PLEKHA5: variants seen among roughly 807,000 people sequenced by gnomAD.
PLEKHA5 encodes pleckstrin homology domain containing A5.
Under a neutral mutation model 181.9 loss-of-function variants are expected in PLEKHA5, and 55 were observed. The ratio of observed to expected loss-of-function variants is 0.30; its 90% CI spans 0.24 to 0.38. The LOEUF is 0.38. PLEKHA5 is among the 10% of genes least tolerant of loss of function. The pLI is 1.00. For missense variants in PLEKHA5, 1,432 were observed against 1,549.5 expected (o/e 0.92, Z 1.27); for synonymous variants, 535 against 529.4 (o/e 1.01, Z -0.15).
chr12:19,267,742 T>G (rs2071004510), intron 8 of PLEKHA5, among the ~76,000 whole-genome samples: 1 of 151,422 alleles, frequency 6.6e-6, no homozygotes, highest in Non-Finnish European at 1.5e-5. Context: ...GGCTGGCAGA[T>G]CACCTGAGGT....
At chr12:19,184,387 G>A (rs2049331534) in intron 3 of PLEKHA5, among the ~76,000 whole-genome samples, 1 of 152,060 alleles carries the variant, frequency 6.6e-6, no homozygotes, top group African/African-American at 2.4e-5. Flanking sequence ...CATTTGCTGG[G>A]GACTTTTTAT....
intron 20 of PLEKHA5, among the ~76,000 whole-genome samples, chr12:19,332,224 T>C (rs2153096521): frequency 6.6e-6 from 1 of 152,258 alleles, no homozygotes; most frequent in East Asian, 1.9e-4. Context: ...CAGTGAATTA[T>C]GATCATGCCA....
intron 3 of PLEKHA5, among the ~76,000 whole-genome samples, chr12:19,214,316 C>T (rs1740082791): frequency 6.6e-6 from 1 of 152,066 alleles, no homozygotes; most frequent in Non-Finnish European, 1.5e-5. Context: ...TTGACTTTGT[C>T]AGTTAAAGAG....
At chr12:19,138,534 C>T (rs1304930877) in intron 3 of PLEKHA5, among the ~76,000 whole-genome samples, 1 of 150,468 alleles carries the variant, frequency 6.6e-6, no homozygotes, top group African/African-American at 2.5e-5. Context: ...GATCACGCCA[C>T]TGCACTCCAG....
chr12:19,356,090 A>T (rs1034893645), intron 26 of PLEKHA5, among the ~76,000 whole-genome samples: 1 of 151,556 alleles, frequency 6.6e-6, no homozygotes, highest in African/African-American at 2.4e-5. Flanking sequence ...ACTTGAACCC[A>T]GGAGGCGGAG....
chr12:19,238,673 G>T (rs2061838433), intron 3 of PLEKHA5, among the ~76,000 whole-genome samples: 1 of 151,864 alleles, frequency 6.6e-6, no homozygotes, highest in African/African-American at 2.4e-5. Context: ...GGAATATTCA[G>T]TATACATTTT....
intron 4 of PLEKHA5, 30 bp downstream of exon 4, chr12:19,254,053 AT>A (rs759747920): frequency 2.3e-6 from 3 of 1,306,850 alleles, no homozygotes. Flanking sequence ...GAATGCCTGT[AT>A]TCAAAATTGG....
At position 19,292,676 on chromosome 12, in the gene PLEKHA5, C is replaced by T. The variant is rs151087273; in HGVS notation, c.2037+979C>T. Among the ~76,000 whole-genome samples the T allele has an allele frequency of 6.8e-3, 1,026 of 151,184 alleles. 9 individuals carry two copies. The highest frequency in any genetic ancestry group is 0.024 in the African/African-American group (979 of 41,226). On this transcript the variant is annotated intron_variant, in intron 15 of 31. Transcript: ENST00000429027. ...GCAATGGGCCGGGTGTGGTGGCTCC[C>T]GCCTGTAATCCCAGCACTTTGGGAG...
At chr12:19,336,203 T>C (rs1267226899) in intron 20 of PLEKHA5, among the ~76,000 whole-genome samples, 1 of 152,232 alleles carries the variant, frequency 6.6e-6, no homozygotes, top group African/African-American at 2.4e-5. Flanking sequence ...TCTGATGTTA[T>C]TGAAATTCCA....
rs758655931 is a variant in PLEKHA5, at chr12:19,129,906, G to A, written c.89+18G>A. ...TTCATCAAGTAAAGAGCCGGGGACGGCACGGGGGCCCGCGGGGGCGGGAGG... is the reference window on the plus strand; with the variant it reads ...TTCATCAAGTAAAGAGCCGGGGACGACACGGGGGCCCGCGGGGGCGGGAGG... On this transcript the variant is annotated intron_variant, in intron 1 of 31. Coordinates refer to ENST00000429027, the MANE Select transcript of PLEKHA5 (RefSeq NM_001256470.2). 4 of 1,592,286 alleles carry A rather than the reference G, an allele frequency of 2.5e-6. No homozygotes were observed. The highest frequency in any genetic ancestry group is 1.4e-5 in the African/African-American group (1 of 73,354).
At chr12:19,205,337 G>A (rs903669342) in intron 3 of PLEKHA5, 3 of 980,564 alleles carry the variant, frequency 3.1e-6, no homozygotes, top group African/African-American at 1.7e-5. Flanking sequence ...AAGAGATCAC[G>A]GTGTGCCCCT....
At chr12:19,140,310 CTG>C (rs1163682451) in intron 3 of PLEKHA5, among the ~76,000 whole-genome samples, 1 of 152,144 alleles carries the variant, frequency 6.6e-6, no homozygotes, top group Non-Finnish European at 1.5e-5. Context: ...TTACTGAAGT[CTG>C]TACTATCGTG....
At chr12:19,137,988 A>G (rs1369858417) in intron 3 of PLEKHA5, among the ~76,000 whole-genome samples, 1 of 152,188 alleles carries the variant, frequency 6.6e-6, no homozygotes, top group Non-Finnish European at 1.5e-5. Context: ...CCTAATCTGG[A>G]TAGACCCCTT....
intron 3 of PLEKHA5, among the ~76,000 whole-genome samples, chr12:19,144,738 G>C (rs893901999): frequency 1.2e-4 from 19 of 152,214 alleles, no homozygotes; most frequent in African/African-American, 4.6e-4. Flanking sequence ...ATAAGCTAGT[G>C]ATGTACGCAA....
At chr12:19,314,181 A>G (rs1298534438) in intron 15 of PLEKHA5, among the ~76,000 whole-genome samples, 2 of 152,278 alleles carry the variant, frequency 1.3e-5, no homozygotes, top group African/African-American at 2.4e-5. Flanking sequence ...GTTTCAGACT[A>G]CCTTTTTAGA....
chr12:19,217,613 C>A (rs1043876821), intron 3 of PLEKHA5, among the ~76,000 whole-genome samples: 15 of 152,228 alleles, frequency 9.9e-5, no homozygotes, highest in African/African-American at 3.6e-4. Flanking sequence ...GAAAATTCTC[C>A]CTGGGTCAGA....
At chr12:19,167,190 T>C (rs1451804259) in intron 3 of PLEKHA5, among the ~76,000 whole-genome samples, 1 of 152,112 alleles carries the variant, frequency 6.6e-6, no homozygotes, top group African/African-American at 2.4e-5. Context: ...TAATCTGATC[T>C]CAGATTGTTC....
rs182025294 is a variant in PLEKHA5 at position 19,274,585 on chromosome 12, A to G, written c.915A>G (p.Leu305=). 8 of 1,613,694 alleles carry G rather than the reference A, an allele frequency of 5.0e-6. No individual in the cohort carries two copies. The East Asian group carries it at 1.8e-4, about 36-fold the overall frequency. ...ETNNIPNHRV[L]IKPEIQNNQK... is the part of the protein sequence containing the mutation. ...ATAACATTCCCAACCATAGAGTGCT[A>G]ATTAAACCAGAGATCCAAAACAATC... The change falls in exon 11 of 32, where the codon CTA becomes CTG. Residue 305 remains leucine (L), a synonymous_variant. Transcript: ENST00000429027.
At chr12:19,186,382 T>C (rs1047321328) in intron 3 of PLEKHA5, among the ~76,000 whole-genome samples, 2 of 152,120 alleles carry the variant, frequency 1.3e-5, no homozygotes, top group Non-Finnish European at 2.9e-5. Context: ...ACAGTGAGGG[T>C]GATTGTTTCT....
Sources: allele counts gnomAD v4.1 joint callset (sites outside exome capture counted in the v4.1 genomes callset), GRCh38; gene constraint gnomAD v4.1.1; transcripts MANE v1.5; gene names NCBI Gene and HGNC (gene_info 2026-07-23, HGNC 2026-07-21).